UNC13C: variants seen among roughly 807,000 people sequenced by gnomAD.
UNC13C encodes protein unc-13 homolog C.
Under a neutral mutation model 245.4 loss-of-function variants are expected in UNC13C, and 174 were observed. That is an observed-to-expected ratio of 0.71 (90% confidence interval 0.63 to 0.80). The LOEUF (loss-of-function observed/expected upper bound fraction) is 0.80. Ranked by LOEUF, UNC13C falls within the 30% of genes least tolerant of loss-of-function variation. UNC13C has a pLI of 0.00. For synonymous variants in UNC13C, 992 were observed against 895.1 expected (o/e 1.11, Z -1.93); for missense variants, 2,829 against 2,602.9 (o/e 1.09, Z -1.89).
chr15:53,848,097 T>C, the UNC13C span, among the ~76,000 whole-genome samples: 1 of 117,352 alleles, frequency 8.5e-6, no homozygotes, highest in African/African-American at 2.9e-5. Context: ...ATTTGTATTC[T>C]CTCTCTCTCT....
intron 19 of UNC13C, among the ~76,000 whole-genome samples, chr15:54,421,243 G>T (rs1025680885): frequency 5.3e-5 from 8 of 151,618 alleles, no homozygotes; most frequent in African/African-American, 1.5e-4. Flanking sequence ...TCATGATTGA[G>T]TACCATTATT....
intron 10 of UNC13C, among the ~76,000 whole-genome samples, chr15:54,269,264 T>C (rs1438163575): frequency 6.6e-6 from 1 of 152,024 alleles, no homozygotes; most frequent in African/African-American, 2.4e-5. Context: ...CTCCATTATA[T>C]TGAAAACCAC....
chr15:54,241,096 G>A (rs928143019), intron 7 of UNC13C, among the ~76,000 whole-genome samples: 1 of 152,116 alleles, frequency 6.6e-6, no homozygotes, highest in Non-Finnish European at 1.5e-5. Flanking sequence ...AGGCAAGATC[G>A]TTTAAACCAA....
intron 17 of UNC13C, among the ~76,000 whole-genome samples, chr15:54,367,464 A>T (rs996156273): frequency 4.6e-5 from 7 of 152,176 alleles, no homozygotes; most frequent in African/African-American, 1.7e-4. Context: ...TGCAAGTCTT[A>T]GCTTTCCCAT....
the UNC13C span, among the ~76,000 whole-genome samples, chr15:53,953,661 G>A: frequency 7.9e-5 from 12 of 152,324 alleles, no homozygotes; most frequent in African/African-American, 2.9e-4. Flanking sequence ...GATATAACCT[G>A]CATGTCCAAC....
At chr15:54,480,972 G>T (rs956518378) in intron 19 of UNC13C, among the ~76,000 whole-genome samples, 1 of 152,202 alleles carries the variant, frequency 6.6e-6, no homozygotes. Context: ...TGCACTAGCT[G>T]TAGGGTCTCA....
At chr15:54,189,819 C>A (rs568352970) in intron 4 of UNC13C, among the ~76,000 whole-genome samples, 4 of 152,060 alleles carry the variant, frequency 2.6e-5, no homozygotes, top group Admixed American at 1.3e-4. Flanking sequence ...TGCTTGATTG[C>A]GGCGGCATCT....
At chr15:54,389,553 T>G (rs1466373930) in intron 17 of UNC13C, among the ~76,000 whole-genome samples, 2 of 152,032 alleles carry the variant, frequency 1.3e-5, no homozygotes, top group African/African-American at 4.8e-5. Context: ...TAAGCAAAAA[T>G]TTTGAAGTTA....
At chr15:54,522,231 G>C (rs567567898) in intron 24 of UNC13C, among the ~76,000 whole-genome samples, 37 of 152,034 alleles carry the variant, frequency 2.4e-4, no homozygotes, top group South Asian at 2.1e-3. Flanking sequence ...AGCACTTTGG[G>C]AGGCCAAGGC....
intron 13 of UNC13C, among the ~76,000 whole-genome samples, chr15:54,312,816 T>C (rs2037910068): frequency 6.6e-6 from 1 of 151,754 alleles, no homozygotes; most frequent in Admixed American, 6.6e-5. Flanking sequence ...TTTCTAGAAA[T>C]ACCCTCCCAT....
chr15:54,116,555 C>T (rs1210245119), intron 2 of UNC13C, among the ~76,000 whole-genome samples: 1 of 152,112 alleles, frequency 6.6e-6, no homozygotes, highest in Non-Finnish European at 1.5e-5. Context: ...TAGCATATTT[C>T]AGTAATCATA....
At chr15:53,992,987 G>A (rs755743720) in intron 1 of UNC13C, among the ~76,000 whole-genome samples, 3 of 151,992 alleles carry the variant, frequency 2.0e-5, no homozygotes, top group Admixed American at 2.0e-4. Flanking sequence ...CAGTGAAAAC[G>A]TTAACAATCA....
intron 10 of UNC13C, among the ~76,000 whole-genome samples, chr15:54,267,270 C>CT (rs1044867822): frequency 1.4e-5 from 2 of 145,240 alleles, no homozygotes; most frequent in African/African-American, 5.7e-5. Flanking sequence ...ATTGATTCAT[C>CT]TTTTTTTAAC....
At chr15:53,923,349 A>G in the UNC13C span, among the ~76,000 whole-genome samples, 8 of 152,250 alleles carry the variant, frequency 5.3e-5, no homozygotes, top group East Asian at 7.7e-4. Flanking sequence ...TACTGGATGA[A>G]AAAAGACTCT....
the UNC13C span, among the ~76,000 whole-genome samples, chr15:53,951,244 G>A: frequency 6.6e-6 from 1 of 152,204 alleles, no homozygotes; most frequent in Non-Finnish European, 1.5e-5. Flanking sequence ...TGCCCTGACA[G>A]GGAGTCAGCA....
At chr15:53,896,116 G>T in the UNC13C span, among the ~76,000 whole-genome samples, 3,372 of 151,782 alleles carry the variant, frequency 0.022, 130 homozygotes, top group African/African-American at 0.077. Flanking sequence ...CCAATGTAGA[G>T]TTCCTTAGGA....
chr15:53,976,026 G>A (rs573236557), upstream of UNC13C, among the ~76,000 whole-genome samples: 3 of 152,200 alleles, frequency 2.0e-5, no homozygotes, highest in East Asian at 1.9e-4. Flanking sequence ...AAATCTCATC[G>A]TTGTAATTAC....
chr15:54,123,414 A>G (rs1397526104), intron 2 of UNC13C, among the ~76,000 whole-genome samples: 1 of 151,406 alleles, frequency 6.6e-6, no homozygotes. Flanking sequence ...AATTATTTTC[A>G]TATGTATTTT....
intron 19 of UNC13C, among the ~76,000 whole-genome samples, chr15:54,459,720 G>A (rs183553312): frequency 4.0e-5 from 6 of 151,884 alleles, no homozygotes; most frequent in Admixed American, 2.0e-4. Flanking sequence ...ATTTCCCTAA[G>A]TGTGTCTTTT....
Sources: allele counts gnomAD v4.1 joint callset (sites outside exome capture counted in the v4.1 genomes callset), GRCh38; gene constraint gnomAD v4.1.1; transcripts MANE v1.5; gene names NCBI Gene and HGNC (gene_info 2026-07-23, HGNC 2026-07-21).